TFF3: variants seen among roughly 807,000 people sequenced by gnomAD.
TFF3 encodes trefoil factor 3.
A neutral mutation model predicts 9.7 loss-of-function variants in TFF3; 6 were observed. The observed-to-expected ratio is 0.62, with a 90% CI of 0.34 to 1.22. The LOEUF is 1.22. Among genes scored for constraint, TFF3 ranks in the 50% most tolerant of loss-of-function variants. The probability of loss-of-function intolerance (pLI) is 0.04; values close to 1 mark genes in which losing one functional copy is unlikely to be tolerated. For missense variants in TFF3, 93 were observed against 98.6 expected (o/e 0.94, Z 0.24); for synonymous variants, 48 against 41.4 (o/e 1.16, Z -0.61).
Position 42,313,028 on chromosome 21 carries a change from T to TG in TFF3, c.229+456dup, listed in dbSNP as rs1301767485. 2.0e-5 allele frequency among the ~76,000 whole-genome samples: 3 copies of TG among 151,364 alleles called. No individual in the cohort carries two copies. The highest frequency in any genetic ancestry group is 3.0e-5 in the Non-Finnish European group (2 of 67,764). The stretch of plus-strand genomic sequence containing the variant: ...AGAGAGGGAGAGGAGATGACCCTTG[T>TG]GGGGGGCAGAGTGGGGGAGGTGGGG... On this transcript the variant is annotated intron_variant, in intron 2 of 2. Transcript: ENST00000518498. The surrounding 1 kb of genome is among the most constrained non-coding windows in gnomAD (Gnocchi z 4.0).
In TFF3 at chr21:42,311,671, T is replaced by A. The variant is rs76969463; in HGVS notation, c.*585A>T. 7.7e-3 allele frequency: 1,209 copies of A among 157,494 alleles called. 23 individuals are homozygous for A. The highest frequency in any genetic ancestry group is 0.026 in the African/African-American group (1,062 of 41,562). 9.8% of individuals were successfully genotyped at this position (157,494 alleles called of 1,614,324 possible). A position where few individuals can be genotyped will look rare whatever the true frequency, so the allele number is the denominator to read the frequency against. ...TAGCAAACAAATACAAAAAAGTGCCTGTTTGTTCATAATGTTTACTGTACA... is the reference window on the plus strand; with the variant it reads ...TAGCAAACAAATACAAAAAAGTGCCAGTTTGTTCATAATGTTTACTGTACA... On this transcript the variant is annotated 3_prime_UTR_variant, in exon 3 of 3. Transcript: ENST00000518498.
Position 42,312,019 on chromosome 21 carries a change from A to T in TFF3, c.*237T>A, listed in dbSNP as rs2146376468. 4 of 698,476 alleles carry T rather than the reference A, an allele frequency of 5.7e-6. No homozygotes were observed. Among genetic ancestry groups the T allele is most frequent in the African/African-American group, 1.8e-5 (1 of 56,988 alleles). 43.3% of individuals were successfully genotyped at this position (698,476 alleles called of 1,614,324 possible). A position where few individuals can be genotyped will look rare whatever the true frequency, so the allele number is the denominator to read the frequency against. ...TGACACCCTCCCGCCCTCTCCCACG[A>T]CGCAGCAGAAATAAAGCACAACCTC... On this transcript the variant is annotated 3_prime_UTR_variant, in exon 3 of 3. Transcript: ENST00000518498.
rs947964580 is a variant in TFF3, at chr21:42,311,793, G to C, written c.*463C>G. The C allele has an allele frequency of 1.0e-5, 3 of 298,962 alleles. No individual in the cohort carries two copies. The highest frequency in any genetic ancestry group is 6.6e-5 in the African/African-American group (3 of 45,190). The allele number at this position is 298,962 out of a possible 1,614,324, so 18.5% of individuals were successfully genotyped here. A position where few individuals can be genotyped will look rare whatever the true frequency, so the allele number is the denominator to read the frequency against. ...TGGAAGACAGTTTTATTGGCTTGCT[G>C]TCTTCACCAAGAAAGACTTGTGATT... On this transcript the variant is annotated 3_prime_UTR_variant, in exon 3 of 3. Coordinates refer to ENST00000518498, the MANE Select transcript of TFF3 (RefSeq NM_003226.4).
intron 2 of TFF3, 126 bp from the exon 3 acceptor site, chr21:42,312,395 G>T: frequency 8.8e-7 from 1 of 1,137,726 alleles, no homozygotes; most frequent in Admixed American, 2.4e-5. Context: ...ACCGGGGAGT[G>T]TTGAGTCCCC....
Position 42,311,738 on chromosome 21 carries a change from C to T in TFF3, c.*518G>A, listed in dbSNP as rs1286151343. ...GAATAGTACAAGTATTGAACAGTAG[C>T]GAGAGTGGTTGTGAAATAAAGGACC... On this transcript the variant is annotated 3_prime_UTR_variant, in exon 3 of 3. Coordinates refer to ENST00000518498, the MANE Select transcript of TFF3 (RefSeq NM_003226.4). 4 of 243,232 alleles carry T rather than the reference C, an allele frequency of 1.6e-5. No individual in the cohort carries two copies. The highest frequency in any genetic ancestry group is 3.2e-5 in the Non-Finnish European group (4 of 123,430). The allele number at this position is 243,232 out of a possible 1,614,324, so 15.1% of individuals were successfully genotyped here. A position where few individuals can be genotyped will look rare whatever the true frequency, so the allele number is the denominator to read the frequency against.
At position 42,313,252 on chromosome 21, in the gene TFF3, A is replaced by G. The variant is rs2069340879; in HGVS notation, c.229+233T>C. On this transcript the variant is annotated intron_variant, in intron 2 of 2. Transcript: ENST00000518498. This position sits in a 1 kb window ranked among gnomAD's most constrained non-coding sequence, Gnocchi z 4.0. ...TCTATGCGATGCCATCATTTTGAAC[A>G]CCTTTTTGAAACAATTGCTTTTATG... is the stretch of plus-strand genomic sequence containing the variant. Among the ~76,000 whole-genome samples the G allele has an allele frequency of 6.6e-6, 1 of 152,140 alleles. No individual in the cohort carries two copies. Among genetic ancestry groups the G allele is most frequent in the South Asian group, 2.1e-4 (1 of 4,826 alleles).
In TFF3 at chr21:42,313,479, C is replaced by A. The variant is rs765554138; in HGVS notation, c.229+6G>T. The A allele has an allele frequency of 6.8e-6, 11 of 1,606,310 alleles. No homozygotes were observed. In the African/African-American group the frequency reaches 1.2e-4, roughly 18 times the overall value. ...GGCCCAGACCACGATGCCACTGGGGCCTTACCTGCTTCCTGCAGGGGCTTG... is the reference window on the plus strand; with the variant it reads ...GGCCCAGACCACGATGCCACTGGGGACTTACCTGCTTCCTGCAGGGGCTTG... On this transcript the variant is annotated splice_donor_region_variant and intron_variant, in intron 2 of 2. Coordinates refer to ENST00000518498, the MANE Select transcript of TFF3 (RefSeq NM_003226.4). The surrounding 1 kb of genome is among the most constrained non-coding windows in gnomAD (Gnocchi z 4.0).
Position 42,313,688 on chromosome 21 carries a change from T to C in TFF3, c.83-57A>G. On this transcript the variant is annotated intron_variant, in intron 1 of 2. Coordinates refer to ENST00000518498, the MANE Select transcript of TFF3 (RefSeq NM_003226.4). This position sits in a 1 kb window ranked among gnomAD's most constrained non-coding sequence, Gnocchi z 4.0. ...AGCCCTTGCTGGGCTGCGGTGAGTGTGTTTGCTTCACTTTGCAAGTTTGCA... is the reference window on the plus strand; with the variant it reads ...AGCCCTTGCTGGGCTGCGGTGAGTGCGTTTGCTTCACTTTGCAAGTTTGCA... 6.5e-7 allele frequency: 1 copy of C among 1,543,642 alleles called. No individual in the cohort carries two copies. The highest frequency in any genetic ancestry group is 2.4e-5 in the East Asian group (1 of 41,002).
At position 42,311,976 on chromosome 21, in the gene TFF3, C is replaced by T; in HGVS notation, c.*280G>A. 1 of 647,054 alleles carries T rather than the reference C, an allele frequency of 1.5e-6. No homozygotes were observed. The highest frequency in any genetic ancestry group is 2.8e-6 in the Non-Finnish European group (1 of 354,734). The allele number at this position is 647,054 out of a possible 1,614,324, so 40.1% of individuals were successfully genotyped here. On this transcript the variant is annotated 3_prime_UTR_variant, in exon 3 of 3. Coordinates refer to ENST00000518498, the MANE Select transcript of TFF3 (RefSeq NM_003226.4). ...AGGGAGTCTTTTCCTGCCCTTGAGG[C>T]CTGGGCAGACTCTCCCCTGACACCC...
Position 42,312,716 on chromosome 21 carries a change from C to T in TFF3, c.230-447G>A, listed in dbSNP as rs375175580. On this transcript the variant is annotated intron_variant, in intron 2 of 2. Coordinates refer to ENST00000518498, the MANE Select transcript of TFF3 (RefSeq NM_003226.4). ...CCGGGGCCAGCAGGACTCAGCCTCC[C>T]GCATTTCACCCTAGGACAAAGGGCA... is the stretch of plus-strand genomic sequence containing the variant. Among the ~76,000 whole-genome samples, 101 of 152,298 alleles carry T rather than the reference C, an allele frequency of 6.6e-4. No homozygotes were observed. The South Asian group carries it at 0.014, about 21-fold the overall frequency.
At chr21:42,315,079 C>T (rs149461804) in intron 1 of TFF3, among the ~76,000 whole-genome samples, 9 of 152,344 alleles carry the variant, frequency 5.9e-5, no homozygotes, top group Non-Finnish European at 1.2e-4. Flanking sequence ...ACAGACTGGG[C>T]AGGGCTGCCT....
At chr21:42,312,348 C>G in intron 2 of TFF3, 79 bp from the exon 3 acceptor site, 8 of 1,515,160 alleles carry the variant, frequency 5.3e-6, no homozygotes, top group Non-Finnish European at 7.1e-6. Context: ...GGGCAGGCTC[C>G]AAGGCCAGCA....
rs1312170923 is a variant in TFF3, at chr21:42,313,552, G to A, written c.162C>T (p.Asn54=). ...YPHVTPKECN[N]RGCCFDSRIP... is the part of the protein sequence containing the mutation. Reference sequence around the variant, plus strand: ...TCCTGGAGTCAAAGCAGCAGCCCCGGTTGTTGCACTCCTTGGGGGTGACAT... The same window carrying A: ...TCCTGGAGTCAAAGCAGCAGCCCCGATTGTTGCACTCCTTGGGGGTGACAT... Residue 54 remains asparagine, a synonymous_variant, in exon 2 of 3, where the codon AAC becomes AAT. Transcript: ENST00000518498. The surrounding 1 kb of genome is among the most constrained non-coding windows in gnomAD (Gnocchi z 4.0). 1.9e-6 allele frequency: 3 copies of A among 1,611,080 alleles called. No individual in the cohort carries two copies. The highest frequency in any genetic ancestry group is 1.3e-5 in the African/African-American group (1 of 74,816).
Position 42,313,284 on chromosome 21 carries a change from A to G in TFF3, c.229+201T>C, listed in dbSNP as rs1223544419. Among the ~76,000 whole-genome samples, 3 of 152,198 alleles carry G rather than the reference A, an allele frequency of 2.0e-5. No individual in the cohort carries two copies. Among genetic ancestry groups the G allele is most frequent in the African/African-American group, 7.2e-5 (3 of 41,440 alleles). ...TGAAACAATTGCTTTTATGTTTTAC[A>G]TAAAGGGGACAGAAGAGGACAGCCC... On this transcript the variant is annotated intron_variant, in intron 2 of 2. Transcript: ENST00000518498. This position sits in a 1 kb window ranked among gnomAD's most constrained non-coding sequence, Gnocchi z 4.0.
chr21:42,312,792 G>A (rs142619429), intron 2 of TFF3, among the ~76,000 whole-genome samples: 140 of 152,296 alleles, frequency 9.2e-4, no homozygotes, highest in African/African-American at 3.3e-3. Context: ...ACGCAGGTGC[G>A]GCCTTCGTGG....
chr21:42,312,381 A>C, intron 2 of TFF3, 112 bp from the exon 3 acceptor site: 4 of 1,309,634 alleles, frequency 3.1e-6, no homozygotes, highest in Non-Finnish European at 4.2e-6. Context: ...TCCTCCCCAG[A>C]GTCACCGGGG....
Position 42,312,098 on chromosome 21 carries a change from C to G in TFF3, c.*158G>C, listed in dbSNP as rs758448416. ...TCGGGTGGAGCATGGGACCTTTATT[C>G]GTTAAGACATCAGGCTCCAGATATG... On this transcript the variant is annotated 3_prime_UTR_variant, in exon 3 of 3. Coordinates refer to ENST00000518498, the MANE Select transcript of TFF3 (RefSeq NM_003226.4). 2.3e-5 allele frequency: 22 copies of G among 971,768 alleles called. No homozygotes were observed. In the Admixed American group the frequency reaches 4.0e-4, roughly 18 times the overall value. 60.2% of individuals were successfully genotyped at this position (971,768 alleles called of 1,614,324 possible).
At position 42,313,571 on chromosome 21, in the gene TFF3, G is replaced by A. The variant is rs562900013; in HGVS notation, c.143C>T (p.Thr48Ile). 2 of 1,611,218 alleles carry A rather than the reference G, an allele frequency of 1.2e-6. No homozygotes were observed. The highest frequency in any genetic ancestry group is 1.7e-6 in the Non-Finnish European group (2 of 1,179,600). The stretch of plus-strand genomic sequence containing the variant: ...GCCCCGGTTGTTGCACTCCTTGGGG[G>A]TGACATGGGGGTAGCCGCAGTCCAC... ...DRVDCGYPHV[T>I]PKECNNRGCC... is the part of the protein sequence containing the mutation. The change falls in exon 2 of 3, where the codon ACC becomes ATC. Residue 48 changes from threonine to isoleucine, a missense_variant. Thr to Ile is a moderately conservative substitution (Grantham distance 89, BLOSUM62 -1). Transcript: ENST00000518498. This position sits in a 1 kb window ranked among gnomAD's most constrained non-coding sequence, Gnocchi z 4.0.
Position 42,312,031 on chromosome 21 carries a change from T to A in TFF3, c.*225A>T. 2.6e-5 allele frequency: 18 copies of A among 680,214 alleles called. No individual in the cohort carries two copies. Among genetic ancestry groups the A allele is most frequent in the East Asian group, 5.9e-5 (2 of 33,942 alleles). The allele number at this position is 680,214 out of a possible 1,614,324, so 42.1% of individuals were successfully genotyped here. Reference sequence around the variant, plus strand: ...GCCCTCTCCCACGACGCAGCAGAAATAAAGCACAACCTCAGAAAGTCTCAG... The same window carrying A: ...GCCCTCTCCCACGACGCAGCAGAAAAAAAGCACAACCTCAGAAAGTCTCAG... On this transcript the variant is annotated 3_prime_UTR_variant, in exon 3 of 3. Transcript: ENST00000518498.
Sources: allele counts gnomAD v4.1 joint callset (sites outside exome capture counted in the v4.1 genomes callset), GRCh38; gene constraint gnomAD v4.1.1; non-coding constraint Gnocchi (gnomAD v3.1); transcripts MANE v1.5; gene names NCBI Gene and HGNC (gene_info 2026-07-23, HGNC 2026-07-21).